Variants in DDB2 observed in about 807,000 individuals in gnomAD.
The protein encoded by DDB2 is damage specific DNA binding protein 2.
A neutral mutation model predicts 50.5 loss-of-function variants in DDB2; 27 were observed. That is an observed-to-expected ratio of 0.53 (90% CI 0.39 to 0.74). The LOEUF (loss-of-function observed/expected upper bound fraction) is 0.74, where lower values mean the gene tolerates loss of function less well. DDB2 is among the 30% of genes least tolerant of loss of function. DDB2 has a pLI of 0.00. For missense variants in DDB2, 424 were observed against 545.6 expected (o/e 0.78, Z 2.22); for synonymous variants, 176 against 205.5 (o/e 0.86, Z 1.23).
chr11:47,233,867 C>T (rs1953685418), intron 4 of DDB2, among the ~76,000 whole-genome samples: 1 of 152,122 alleles, frequency 6.6e-6, no homozygotes, highest in Admixed American at 6.6e-5. Context: ...AGTGCATGCG[C>T]ACGCAAATCA....
At chr11:47,236,547 C>A (rs778597058) in intron 7 of DDB2, among the ~76,000 whole-genome samples, 6 of 152,198 alleles carry the variant, frequency 3.9e-5, no homozygotes, top group Non-Finnish European at 7.3e-5. Context: ...GGGTTAGAAT[C>A]CTTGGGCAAA....
At chr11:47,226,734 CTTTT>C (rs542832519) in intron 3 of DDB2, among the ~76,000 whole-genome samples, 2 of 124,654 alleles carry the variant, frequency 1.6e-5, no homozygotes, top group Admixed American at 8.3e-5. Context: ...AGTCCTTTGC[CTTTT>C]TTTTTTTTTT....
chr11:47,235,329 G>A lies in DDB2; in HGVS notation c.940G>A (p.Val314Ile). The change falls in exon 7 of 10, where the codon GTT becomes ATT. Residue 314 changes from valine (V) to isoleucine (I), a missense_variant. Physicochemically the swap from Val to Ile is conservative, Grantham distance 29. Coordinates refer to ENST00000256996, the MANE Select transcript of DDB2 (RefSeq NM_000107.3). ...CACGGACCAGAAGAGCGAGATCCGA[G>A]TTTACTCTGCTTCCCAGTGGGACTG... is the stretch of plus-strand genomic sequence containing the variant. ...LTTDQKSEIR[V>I]YSASQWDCPL... The A allele has an allele frequency of 6.2e-6, 10 of 1,614,204 alleles. No homozygotes were observed. Among genetic ancestry groups the A allele is most frequent in the Non-Finnish European group, 8.5e-6 (10 of 1,180,042 alleles).
At chr11:47,225,687 A>T (rs964723831) in intron 3 of DDB2, among the ~76,000 whole-genome samples, 1 of 152,146 alleles carries the variant, frequency 6.6e-6, no homozygotes, top group Non-Finnish European at 1.5e-5. Flanking sequence ...AATGTTAACT[A>T]TATTCACATT....
Position 47,215,012 on chromosome 11 carries a change from G to A in DDB2, c.-125G>A. The A allele has an allele frequency of 1.4e-6, 2 of 1,450,796 alleles. No individual in the cohort carries two copies. The highest frequency in any genetic ancestry group is 1.9e-6 in the Non-Finnish European group (2 of 1,038,660). 89.9% of individuals were successfully genotyped at this position (1,450,796 alleles called of 1,614,324 possible). A position where few individuals can be genotyped will look rare whatever the true frequency, so the allele number is the denominator to read the frequency against. On this transcript the variant is annotated 5_prime_UTR_variant, in exon 1 of 10. Coordinates refer to ENST00000256996, the MANE Select transcript of DDB2 (RefSeq NM_000107.3). ...CCTGGGCATGTTTGGCGGGAAGTTG[G>A]CTTAGCTCGGCTACCTGTGGCCCCG...
intron 9 of DDB2, 77 bp downstream of exon 9, chr11:47,238,260 C>T (rs544360942): frequency 3.1e-5 from 42 of 1,339,902 alleles, no homozygotes; most frequent in African/African-American, 2.9e-4. Flanking sequence ...CAGCCTCAGC[C>T]CCGCCCTGCC....
intron 1 of DDB2, 99 bp downstream of exon 1, chr11:47,215,362 C>T: frequency 6.3e-7 from 1 of 1,591,688 alleles, no homozygotes; most frequent in Non-Finnish European, 8.6e-7. Flanking sequence ...CCGAGGCCCG[C>T]GCAGGTCACG....
intron 3 of DDB2, among the ~76,000 whole-genome samples, chr11:47,218,928 G>A (rs1674447057): frequency 6.6e-6 from 1 of 152,002 alleles, no homozygotes; most frequent in African/African-American, 2.4e-5. Context: ...AACATAAAAT[G>A]TATCACCTTA....
intron 6 of DDB2, 138 bp from the exon 7 acceptor site, chr11:47,235,132 G>A (rs1953706263): frequency 7.2e-7 from 1 of 1,385,502 alleles, no homozygotes; most frequent in East Asian, 2.3e-5. Context: ...GTTGTTCACA[G>A]CCCAGATTCA....
chr11:47,216,448 A>G lies in DDB2; in HGVS notation c.240A>G (p.Arg80=). ...VRTLHQHKLG[R]ASWPSVQQGL... ...CCCTCCACCAGCATAAGCTGGGCAG[A>G]GCTTCCTGGCCATCTGTCCAGCAGG... Residue 80 remains arginine, a synonymous_variant, in exon 2 of 10, where the codon AGA becomes AGG. Coordinates refer to ENST00000256996, the MANE Select transcript of DDB2 (RefSeq NM_000107.3). 1.9e-6 allele frequency: 3 copies of G among 1,613,688 alleles called. No individual in the cohort carries two copies. Among genetic ancestry groups the G allele is most frequent in the Non-Finnish European group, 2.5e-6 (3 of 1,180,022 alleles).
chr11:47,234,732 A>G (rs1459922971), intron 5 of DDB2, 25 bp from the exon 6 acceptor site: 1 of 1,613,846 alleles, frequency 6.2e-7, no homozygotes, highest in East Asian at 2.2e-5. Context: ...CTGTGTCCCC[A>G]CCTGAACCGA....
chr11:47,226,177 G>A (rs1953554346), intron 3 of DDB2, among the ~76,000 whole-genome samples: 2 of 152,060 alleles, frequency 1.3e-5, no homozygotes, highest in Admixed American at 1.3e-4. Context: ...ATTTTTTGAG[G>A]AACCGCTATA....
chr11:47,231,074 T>G (rs1336175522), intron 3 of DDB2, among the ~76,000 whole-genome samples: 2 of 140,760 alleles, frequency 1.4e-5, no homozygotes, highest in Admixed American at 8.1e-5. Flanking sequence ...GAGCTGAGGT[T>G]GTGCCACCGC....
intron 3 of DDB2, among the ~76,000 whole-genome samples, chr11:47,223,505 G>C (rs1013462463): frequency 1.3e-5 from 2 of 151,482 alleles, no homozygotes; most frequent in South Asian, 4.2e-4. Flanking sequence ...ATAAGGCTGG[G>C]CGCGGTGGCT....
chr11:47,215,566 CTG>C (rs1953389989), intron 1 of DDB2: 1 of 416,014 alleles, frequency 2.4e-6, no homozygotes, highest in Non-Finnish European at 4.6e-6. Context: ...TTTCCTGGCG[CTG>C]TGTGTGCTGG....
intron 3 of DDB2, among the ~76,000 whole-genome samples, chr11:47,224,086 A>G (rs2135495115): frequency 1.3e-5 from 2 of 152,312 alleles, no homozygotes; most frequent in East Asian, 3.9e-4. Context: ...TCCTGTCTCA[A>G]TTAAAAACAA....
chr11:47,225,196 T>C (rs1200366680), intron 3 of DDB2, among the ~76,000 whole-genome samples: 1 of 146,784 alleles, frequency 6.8e-6, no homozygotes, highest in Non-Finnish European at 1.5e-5. Flanking sequence ...CACCTTGGCC[T>C]CCCAAAGTGC....
chr11:47,230,245 A>C (rs1341271657), intron 3 of DDB2, among the ~76,000 whole-genome samples: 1 of 151,854 alleles, frequency 6.6e-6, no homozygotes, highest in East Asian at 1.9e-4. Context: ...GGCTACGCTG[A>C]GCCAGGATTG....
intron 4 of DDB2, chr11:47,233,472 A>C (rs1358376790): frequency 4.9e-6 from 1 of 202,886 alleles, no homozygotes; most frequent in African/African-American, 2.3e-5. Flanking sequence ...TTGGGAGGCC[A>C]AGGTGGGTGG....
Sources: gnomAD v4.1 joint callset for allele counts (sites outside exome capture counted in the v4.1 genomes callset) on GRCh38, gnomAD v4.1.1 for gene constraint, MANE v1.5 for transcripts, NCBI Gene and HGNC (gene_info 2026-07-23, HGNC 2026-07-21) for gene names.